CDH18: variants seen among roughly 807,000 people sequenced by gnomAD.
CDH18 encodes the protein cadherin-18.
Under a neutral mutation model 67.9 loss-of-function variants are expected in CDH18, and 31 were observed. The observed-to-expected ratio is 0.46, with a 90% CI of 0.34 to 0.62. The LOEUF (loss-of-function observed/expected upper bound fraction) is 0.62. Ranked by LOEUF, CDH18 falls within the 20% of genes least tolerant of loss-of-function variation. The probability of loss-of-function intolerance (pLI) is 0.01; values close to 1 mark genes in which losing one functional copy is unlikely to be tolerated. For missense variants in CDH18, 890 were observed against 975.5 expected (o/e 0.91, Z 1.17); for synonymous variants, 362 against 347.2 (o/e 1.04, Z -0.48).
intron 2 of CDH18, among the ~76,000 whole-genome samples, chr5:19,862,875 T>C (rs777098629): frequency 6.6e-6 from 1 of 152,108 alleles, no homozygotes; most frequent in East Asian, 1.9e-4. Context: ...GAAAAGACAG[T>C]TTATTATGCA....
intron 1 of CDH18, among the ~76,000 whole-genome samples, chr5:20,360,561 T>C (rs188409117): frequency 2.9e-4 from 44 of 152,328 alleles, no homozygotes; most frequent in Admixed American, 1.0e-3. Context: ...CAGCATATAA[T>C]GCCTCCCTGA....
chr5:19,562,533 T>A (rs1403343026), intron 8 of CDH18, among the ~76,000 whole-genome samples: 1 of 152,194 alleles, frequency 6.6e-6, no homozygotes, highest in African/African-American at 2.4e-5. Flanking sequence ...AAGGTCACAA[T>A]AAATCTCTGG....
intron 12 of CDH18, 101 bp from the exon 13 acceptor site, chr5:19,473,817 C>T (rs143626308): frequency 0.011 from 10,405 of 976,714 alleles, 95 homozygotes; most frequent in Non-Finnish European, 0.013. Flanking sequence ...CGTCATTAAC[C>T]ACATTCCAGA....
intron 1 of CDH18, among the ~76,000 whole-genome samples, chr5:20,424,638 A>G (rs1204293482): frequency 6.8e-6 from 1 of 147,362 alleles, no homozygotes; most frequent in African/African-American, 2.6e-5. Context: ...AATCCCAGCT[A>G]TCCAGGAGGC....
intron 1 of CDH18, among the ~76,000 whole-genome samples, chr5:20,507,874 G>C (rs1175622867): frequency 6.6e-6 from 1 of 152,054 alleles, no homozygotes; most frequent in African/African-American, 2.4e-5. Context: ...GGCAACCTAA[G>C]CATTCTAAAT....
At chr5:19,858,728 C>T (rs1036950787) in intron 2 of CDH18, among the ~76,000 whole-genome samples, 7 of 152,060 alleles carry the variant, frequency 4.6e-5, no homozygotes, top group African/African-American at 1.7e-4. Context: ...CACTAGAACT[C>T]ATTTATTTGA....
chr5:20,323,755 T>C (rs2150011093), intron 1 of CDH18, among the ~76,000 whole-genome samples: 1 of 152,342 alleles, frequency 6.6e-6, no homozygotes, highest in Non-Finnish European at 1.5e-5. Context: ...AGTGCTATAG[T>C]AAGCAACTGC....
At chr5:20,051,035 C>A (rs549024931) in intron 2 of CDH18, among the ~76,000 whole-genome samples, 1 of 151,914 alleles carries the variant, frequency 6.6e-6, no homozygotes, top group South Asian at 2.1e-4. Context: ...CTTTATCACA[C>A]TTGTTTGTTG....
At chr5:20,385,936 C>T (rs75544418) in intron 1 of CDH18, among the ~76,000 whole-genome samples, 2,868 of 152,210 alleles carry the variant, frequency 0.019, 46 homozygotes, top group Middle Eastern at 0.075. Context: ...GAAACTATTA[C>T]GAGGAACTTA....
intron 1 of CDH18, among the ~76,000 whole-genome samples, chr5:20,468,459 T>C (rs1751821949): frequency 6.6e-6 from 1 of 152,210 alleles, no homozygotes; most frequent in South Asian, 2.1e-4. Flanking sequence ...TATCATGATG[T>C]TTTCTTTCTC....
chr5:20,210,351 C>G (rs1418031232), intron 2 of CDH18, among the ~76,000 whole-genome samples: 1 of 151,844 alleles, frequency 6.6e-6, no homozygotes, highest in African/African-American at 2.4e-5. Flanking sequence ...TTTTCAGGTT[C>G]CTGAGTGTAT....
At chr5:19,526,481 GACTGATA>G (rs1185474587) in intron 9 of CDH18, among the ~76,000 whole-genome samples, 2 of 152,208 alleles carry the variant, frequency 1.3e-5, no homozygotes, top group Non-Finnish European at 2.9e-5. Context: ...CTTTTGGAAA[GACTGATA>G]TGTGCGTAAC....
intron 2 of CDH18, among the ~76,000 whole-genome samples, chr5:20,018,961 A>AT (rs1038180414): frequency 6.0e-5 from 9 of 148,990 alleles, no homozygotes; most frequent in South Asian, 4.3e-4. Flanking sequence ...TGCCCGGCTA[A>AT]TTTTTTTTTG....
intron 8 of CDH18, among the ~76,000 whole-genome samples, chr5:19,568,462 A>G (rs1050460861): frequency 6.6e-6 from 1 of 152,168 alleles, no homozygotes; most frequent in South Asian, 2.1e-4. Context: ...CAACCCGACA[A>G]TTCTGGCAAC....
At chr5:19,981,583 C>T (rs1279754742) in intron 1 of CDH18, among the ~76,000 whole-genome samples, 1 of 152,146 alleles carries the variant, frequency 6.6e-6, no homozygotes, top group Non-Finnish European at 1.5e-5. Flanking sequence ...AATTCACATC[C>T]TTATGACCTA....
At chr5:20,526,722 C>T (rs1471696029) in intron 1 of CDH18, among the ~76,000 whole-genome samples, 1 of 152,014 alleles carries the variant, frequency 6.6e-6, no homozygotes, top group Non-Finnish European at 1.5e-5. Flanking sequence ...ACAACATCAA[C>T]AAAAATGACC....
chr5:19,527,082 G>A (rs558945722), intron 9 of CDH18, among the ~76,000 whole-genome samples: 6 of 151,980 alleles, frequency 3.9e-5, no homozygotes, highest in Admixed American at 2.0e-4. Flanking sequence ...GTGGGCTGAT[G>A]CTGGGACATT....
intron 1 of CDH18, among the ~76,000 whole-genome samples, chr5:20,456,028 G>T (rs1336631609): frequency 6.6e-6 from 1 of 151,978 alleles, no homozygotes; most frequent in East Asian, 1.9e-4. Context: ...ATTATATTTG[G>T]TTGCTAAGAC....
intron 4 of CDH18, among the ~76,000 whole-genome samples, chr5:19,737,729 T>C (rs1465765983): frequency 1.3e-5 from 2 of 152,232 alleles, no homozygotes; most frequent in Admixed American, 1.3e-4. Context: ...GTATATGTCC[T>C]AATACAGTAA....
Sources: allele counts gnomAD v4.1 joint callset (sites outside exome capture counted in the v4.1 genomes callset), GRCh38; gene constraint gnomAD v4.1.1; transcripts MANE v1.5; gene names NCBI Gene and HGNC (gene_info 2026-07-23, HGNC 2026-07-21).